The following DNAH9 variants were observed in gnomAD, a reference collection of about 807,000 sequenced individuals.
The protein encoded by DNAH9 is DNAH9 variant protein.
DNAH9 carries 345 observed loss-of-function variants against 471.6 expected under a neutral mutation model. The observed-to-expected ratio is 0.73, with a 90% confidence interval of 0.67 to 0.80. The LOEUF is 0.80. DNAH9 is among the 30% of genes least tolerant of loss of function. The probability of loss-of-function intolerance (pLI) is 0.00; values close to 1 mark genes in which losing one functional copy is unlikely to be tolerated. For synonymous variants in DNAH9, 2,093 were observed against 2,123.6 expected (o/e 0.99, Z 0.40); for missense variants, 5,407 against 5,609.2 (o/e 0.96, Z 1.15).
At position 11,598,579 on chromosome 17, in the gene DNAH9, C is replaced by T. The variant is rs763610626; in HGVS notation, c.81C>T (p.Leu27=). 2 of 1,393,940 alleles carry T rather than the reference C, an allele frequency of 1.4e-6. No individual in the cohort carries two copies. Among genetic ancestry groups the T allele is most frequent in the Non-Finnish European group, 9.2e-7 (1 of 1,081,666 alleles). 86.3% of individuals were successfully genotyped at this position (1,393,940 alleles called of 1,614,324 possible). A position where few individuals can be genotyped will look rare whatever the true frequency, so the allele number is the denominator to read the frequency against. The change falls in exon 1 of 69, where the codon CTC becomes CTT. Residue 27 remains leucine, a synonymous_variant. Transcript: ENST00000262442. The part of the protein sequence containing the change: ...GEPGADRRLR[L]LGTYVAMSLR... ...CCGGCGCCGACCGACGACTGCGACT[C>T]CTGGGGACCTACGTGGCCATGAGCC...
intron 19 of DNAH9, among the ~76,000 whole-genome samples, chr17:11,683,058 A>T (rs2150744346): frequency 1.3e-5 from 2 of 152,320 alleles, no homozygotes; most frequent in Middle Eastern, 3.4e-3. Flanking sequence ...CTGCTGAAGG[A>T]GGTAAGTTCT....
rs1001839420 is a variant in DNAH9, at chr17:11,751,644, G to A, written c.6611-1189G>A. ...TGAAAACAAAGTCATTCTGAATAAT[G>A]ATACAGTAAATTTCCATGAAAAATA... On this transcript the variant is annotated intron_variant, in intron 32 of 68. Coordinates refer to ENST00000262442, the MANE Select transcript of DNAH9 (RefSeq NM_001372.4). Among the ~76,000 whole-genome samples, 23 of 152,064 alleles carry A rather than the reference G, an allele frequency of 1.5e-4. 1 individual carries two copies. Among genetic ancestry groups the A allele is most frequent in the Middle Eastern group, 6.9e-3 (2 of 290 alleles).
At chr17:11,802,359 G>A (rs1003490050) in intron 43 of DNAH9, among the ~76,000 whole-genome samples, 3 of 152,272 alleles carry the variant, frequency 2.0e-5, no homozygotes, top group Admixed American at 6.5e-5. Flanking sequence ...TGGGCATGGT[G>A]GCTCACACCT....
At chr17:11,745,898 C>T (rs1429373130) in intron 31 of DNAH9, among the ~76,000 whole-genome samples, 1 of 152,028 alleles carries the variant, frequency 6.6e-6, no homozygotes, top group Non-Finnish European at 1.5e-5. Context: ...CACACATGCA[C>T]ACACACACAG....
chr17:11,705,783 C>A (rs968513097), intron 26 of DNAH9, among the ~76,000 whole-genome samples: 2 of 152,102 alleles, frequency 1.3e-5, no homozygotes, highest in African/African-American at 4.8e-5. Flanking sequence ...ATGAATAACT[C>A]AAATACCCTG....
In DNAH9 at chr17:11,929,088, G is replaced by A. The variant is rs149791925; in HGVS notation, c.11878-778G>A. Among the ~76,000 whole-genome samples, 472 of 144,822 alleles carry A rather than the reference G, an allele frequency of 3.3e-3. 3 individuals are homozygous for A. The East Asian group carries it at 0.052, about 16-fold the overall frequency. On this transcript the variant is annotated intron_variant, in intron 62 of 68. Coordinates refer to ENST00000262442, the MANE Select transcript of DNAH9 (RefSeq NM_001372.4). The stretch of plus-strand genomic sequence containing the variant: ...CTCACTCTGTCGCCCAAGCTGGAGT[G>A]CAGTGGCGTGATCTTGGCTCACTGC...
At chr17:11,841,120 A>G (rs1402477279) in intron 49 of DNAH9, among the ~76,000 whole-genome samples, 1 of 152,220 alleles carries the variant, frequency 6.6e-6, no homozygotes, top group African/African-American at 2.4e-5. Flanking sequence ...TAGTCACTTC[A>G]GTTTTACTCA....
chr17:11,871,727 A>G lies in DNAH9; in HGVS notation c.10183A>G (p.Lys3395Glu). ...CATTTCCTACCTTGGCTTCTTCACA[A>G]AGAAATACCGGCAGAGCCTCCTGGA... is the stretch of plus-strand genomic sequence containing the variant. ...AFISYLGFFT[K>E]KYRQSLLDRT... Residue 3395 changes from lysine (K) to glutamate (E), a missense_variant, in exon 52 of 69, where the codon AAG (lysine) becomes GAG (glutamate). By Grantham distance (56) the Lys-to-Glu change is moderately conservative. Around this residue, in one of 3 missense-constraint regions of DNAH9, gnomAD observed 4,636 missense variants for 4,900.3 expected, o/e 0.95. Transcript: ENST00000262442. 6.2e-7 allele frequency: 1 copy of G among 1,612,248 alleles called. No homozygotes were observed. The highest frequency in any genetic ancestry group is 1.3e-5 in the African/African-American group (1 of 74,990).
chr17:11,707,599 C>T (rs188618448), intron 26 of DNAH9, among the ~76,000 whole-genome samples: 5 of 150,308 alleles, frequency 3.3e-5, no homozygotes, highest in East Asian at 3.9e-4. Context: ...GAGTCCGACT[C>T]GAACTGCTTC....
intron 48 of DNAH9, among the ~76,000 whole-genome samples, chr17:11,823,941 AAG>A (rs1555603935): frequency 6.6e-6 from 1 of 151,770 alleles, no homozygotes; most frequent in African/African-American, 2.4e-5. Context: ...AAAAAAAAAA[AAG>A]AAAGAAAAAA....
chr17:11,617,716 G>A lies in DNAH9; in HGVS notation c.1116+94G>A, dbSNP rs182388321. The A allele has an allele frequency of 1.4e-3, 1,214 of 865,722 alleles. 6 individuals are homozygous for A. The highest frequency in any genetic ancestry group is 1.7e-3 in the Non-Finnish European group (904 of 537,886). 53.6% of individuals were successfully genotyped at this position (865,722 alleles called of 1,614,324 possible). A position where few individuals can be genotyped will look rare whatever the true frequency, so the allele number is the denominator to read the frequency against. On this transcript the variant is annotated intron_variant, in intron 5 of 68. Coordinates refer to ENST00000262442, the MANE Select transcript of DNAH9 (RefSeq NM_001372.4). ...GAGACAAGTGTCCTTTTTTCTGGGC[G>A]AGGAAATAATTATGTTCCAAAGAGT... is the stretch of plus-strand genomic sequence containing the variant.
At chr17:11,867,238 G>A (rs1003660974) in intron 50 of DNAH9, among the ~76,000 whole-genome samples, 10 of 152,094 alleles carry the variant, frequency 6.6e-5, no homozygotes, top group Admixed American at 1.3e-4. Context: ...AAATTATTTT[G>A]TATTATTTCT....
At position 11,719,359 on chromosome 17, in the gene DNAH9, C is replaced by T. The variant is rs201734827; in HGVS notation, c.5578C>T (p.Leu1860=). The change falls in exon 27 of 69, where the codon CTG becomes TTG. Residue 1860 remains leucine (L), a synonymous_variant. Transcript: ENST00000262442. ...GTGCTACATCACCCTCACCCAGTCC[C>T]TGCACCTGACCATGAGTGGGGCTCC... is the stretch of plus-strand genomic sequence containing the variant. ...DRCYITLTQS[L]HLTMSGAPAG... is the part of the protein sequence containing the mutation. The T allele has an allele frequency of 7.4e-6, 12 of 1,614,008 alleles. No individual in the cohort carries two copies. Among genetic ancestry groups the T allele is most frequent in the Non-Finnish European group, 8.5e-6 (10 of 1,180,028 alleles).
intron 49 of DNAH9, among the ~76,000 whole-genome samples, chr17:11,835,148 C>T (rs1474942293): frequency 6.6e-6 from 1 of 152,208 alleles, no homozygotes; most frequent in Non-Finnish European, 1.5e-5. Context: ...CTGATCCAAA[C>T]TCCTTACTTC....
intron 49 of DNAH9, among the ~76,000 whole-genome samples, chr17:11,847,427 T>C (rs949309933): frequency 6.6e-6 from 1 of 152,202 alleles, no homozygotes; most frequent in Non-Finnish European, 1.5e-5. Context: ...TTCTACATAA[T>C]GGTTAGCCAG....
chr17:11,822,119 T>C, intron 46 of DNAH9, 57 bp downstream of exon 46: 1 of 1,560,834 alleles, frequency 6.4e-7, no homozygotes. Context: ...CATGGGAGCT[T>C]CCACTGATAT....
intron 17 of DNAH9, among the ~76,000 whole-genome samples, chr17:11,674,387 C>A (rs2074018609): frequency 6.6e-6 from 1 of 152,144 alleles, no homozygotes; most frequent in Non-Finnish European, 1.5e-5. Flanking sequence ...ATCCTGGCCA[C>A]TCTGGTGGGA....
chr17:11,748,253 G>A (rs553858228), intron 32 of DNAH9, among the ~76,000 whole-genome samples: 183 of 152,150 alleles, frequency 1.2e-3, no homozygotes, highest in African/African-American at 4.0e-3. Context: ...CTTGAACCCG[G>A]GTGGTGGAGG....
chr17:11,779,979 G>A (rs1023735158), intron 38 of DNAH9, among the ~76,000 whole-genome samples: 1 of 151,392 alleles, frequency 6.6e-6, no homozygotes, highest in African/African-American at 2.5e-5. Flanking sequence ...TTTTTCAAGA[G>A]AAGAAATCAG....
Sources: allele counts gnomAD v4.1 joint callset (sites outside exome capture counted in the v4.1 genomes callset), GRCh38; gene constraint gnomAD v4.1.1; regional missense constraint gnomAD v4.1.1; transcripts MANE v1.5; gene names NCBI Gene and HGNC (gene_info 2026-07-23, HGNC 2026-07-21).